Variants in ANKRD11 observed in about 807,000 individuals in gnomAD.
The protein encoded by ANKRD11 is ankyrin repeat domain-containing protein 11.
Under a neutral mutation model 195.7 loss-of-function variants are expected in ANKRD11, and 17 were observed. The ratio of observed to expected loss-of-function variants is 0.09; its 90% CI spans 0.06 to 0.13. The LOEUF (loss-of-function observed/expected upper bound fraction) is 0.13, where lower values mean the gene tolerates loss of function less well. Among genes scored for constraint, ANKRD11 ranks in the 10% least tolerant of loss-of-function variants. ANKRD11 has a pLI of 1.00. For synonymous variants in ANKRD11, 1,953 were observed against 1,528.1 expected (o/e 1.28, Z -6.49); for missense variants, 3,735 against 3,566.1 (o/e 1.05, Z -1.21).
In ANKRD11 at chr16:89,283,418, T is replaced by C. The variant is rs750421408; in HGVS notation, c.3124A>G (p.Ile1042Val). 1.5e-5 allele frequency: 25 copies of C among 1,614,058 alleles called. No homozygotes were observed. The highest frequency in any genetic ancestry group is 4.0e-5 in the African/African-American group (3 of 74,964). ...TTGTCCTTCTGACATTTTTCCAGGA[T>C]TGATTTCTCACTTTTGTCCTTGTCA... ...SSDKDKSEKS[I>V]LEKCQKDKEF... is the part of the protein sequence containing the mutation. Residue 1042 changes from isoleucine (I) to valine (V), a missense_variant, in exon 9 of 13, where the codon ATC becomes GTC. Coordinates refer to ENST00000301030, the MANE Select transcript of ANKRD11 (RefSeq NM_013275.6). This position sits in a 1 kb window ranked among gnomAD's most constrained non-coding sequence, Gnocchi z 4.3.
At chr16:89,489,237 GCGCGCGCGCA>G (rs2057725772) in intron 1 of ANKRD11, 1 of 150,968 alleles carries the variant, frequency 6.6e-6, no homozygotes, top group Admixed American at 6.6e-5. Context: ...GCGCGCGCGC[GCGCGCGCGCA>G]CACACATACA....
At chr16:89,485,979 T>C (rs2057598754) in intron 1 of ANKRD11, among the ~76,000 whole-genome samples, 1 of 152,200 alleles carries the variant, frequency 6.6e-6, no homozygotes, top group African/African-American at 2.4e-5. Context: ...GAATAAAAAC[T>C]GCTTCTGGCC....
At chr16:89,404,036 A>G (rs1480090546) in intron 2 of ANKRD11, among the ~76,000 whole-genome samples, 1 of 152,246 alleles carries the variant, frequency 6.6e-6, no homozygotes, top group Non-Finnish European at 1.5e-5. Context: ...TGGCAAACTT[A>G]TAACTAAAAT....
chr16:89,323,913 A>C (rs985319574), intron 2 of ANKRD11: 1 of 215,634 alleles, frequency 4.6e-6, no homozygotes, highest in African/African-American at 2.4e-5. Context: ...GGCACCACAC[A>C]TCGCGAGGTA....
At chr16:89,392,418 A>G (rs1201379994) in intron 2 of ANKRD11, 1 of 152,128 alleles carries the variant, frequency 6.6e-6, no homozygotes, top group Non-Finnish European at 1.5e-5. Flanking sequence ...CACCCTTTTC[A>G]TGTTTTCTTA....
chr16:89,298,460 G>A (rs527570015), intron 4 of ANKRD11: 24 of 152,350 alleles, frequency 1.6e-4, no homozygotes, highest in Admixed American at 4.6e-4. Context: ...ATGGATGAAA[G>A]GGCTGAGAGG....
chr16:89,441,489 C>T (rs371710303), intron 1 of ANKRD11, among the ~76,000 whole-genome samples: 21 of 152,036 alleles, frequency 1.4e-4, no homozygotes, highest in East Asian at 1.2e-3. Context: ...CAAACCTGGC[C>T]GGGCGCGGTG....
chr16:89,356,121 T>G (rs1490970171), intron 2 of ANKRD11, among the ~76,000 whole-genome samples: 3 of 152,262 alleles, frequency 2.0e-5, no homozygotes, highest in African/African-American at 7.2e-5. Flanking sequence ...TTAGTTACTA[T>G]GAACTAGTGC....
At chr16:89,451,981 G>A (rs116701465) in intron 1 of ANKRD11, among the ~76,000 whole-genome samples, 38 of 152,142 alleles carry the variant, frequency 2.5e-4, no homozygotes, top group African/African-American at 8.9e-4. Flanking sequence ...CATTTGCGCC[G>A]GGTGCAGTGT....
chr16:89,379,248 T>C (rs2040546316), intron 2 of ANKRD11, among the ~76,000 whole-genome samples: 1 of 152,212 alleles, frequency 6.6e-6, no homozygotes, highest in South Asian at 2.1e-4. Context: ...GGCTCATGCT[T>C]TTTTAATCCT....
chr16:89,271,302 A>C, intron 11 of ANKRD11: 1 of 311,780 alleles, frequency 3.2e-6, no homozygotes, highest in Non-Finnish European at 6.3e-6. Flanking sequence ...CAATGGCGCG[A>C]TCCTGGCTCA....
At chr16:89,345,299 A>G (rs1027030124) in intron 2 of ANKRD11, among the ~76,000 whole-genome samples, 1 of 145,818 alleles carries the variant, frequency 6.9e-6, no homozygotes, top group African/African-American at 2.5e-5. Flanking sequence ...ATCACGACAA[A>G]CGGATGGAAA....
chr16:89,447,115 G>A (rs761709535), intron 1 of ANKRD11, among the ~76,000 whole-genome samples: 1 of 151,654 alleles, frequency 6.6e-6, no homozygotes, highest in Non-Finnish European at 1.5e-5. Context: ...CCCACACAAA[G>A]GGCACGTCCA....
chr16:89,375,040 A>C (rs548469868), intron 2 of ANKRD11, among the ~76,000 whole-genome samples: 1 of 152,192 alleles, frequency 6.6e-6, no homozygotes, highest in African/African-American at 2.4e-5. Context: ...GCTTATAAAT[A>C]CTTACAGACT....
At position 89,292,741 on chromosome 16, in the gene ANKRD11, G is replaced by A. The variant is rs79032059; in HGVS notation, c.227-1558C>T. ...GCCCCTCATAGAACCTGGCAAACAC[G>A]GTGGTTGGGGAGGCAGCCTCGCCAC... On this transcript the variant is annotated intron_variant, in intron 4 of 12. Coordinates refer to ENST00000301030, the MANE Select transcript of ANKRD11 (RefSeq NM_013275.6). Among the ~76,000 whole-genome samples, 43 of 152,330 alleles carry A rather than the reference G, an allele frequency of 2.8e-4. No individual in the cohort carries two copies. The East Asian group carries it at 7.9e-3, about 28-fold the overall frequency.
intron 2 of ANKRD11, among the ~76,000 whole-genome samples, chr16:89,391,494 C>G (rs531706172): frequency 6.6e-6 from 1 of 152,322 alleles, no homozygotes; most frequent in African/African-American, 2.4e-5. Context: ...GCAGAAAGCC[C>G]ACACAACTGG....
chr16:89,354,363 A>G (rs542875805), intron 2 of ANKRD11, among the ~76,000 whole-genome samples: 8 of 152,222 alleles, frequency 5.3e-5, no homozygotes, highest in Admixed American at 1.3e-4. Flanking sequence ...TGATTTTACT[A>G]ACATTAGACA....
chr16:89,444,292 A>G (rs2043678154), intron 1 of ANKRD11, among the ~76,000 whole-genome samples: 1 of 152,154 alleles, frequency 6.6e-6, no homozygotes, highest in Non-Finnish European at 1.5e-5. Context: ...GCTCCTGCCC[A>G]AAGCCCACTC....
chr16:89,377,995 T>G (rs1567720843), intron 2 of ANKRD11, among the ~76,000 whole-genome samples: 1 of 152,144 alleles, frequency 6.6e-6, no homozygotes, highest in Non-Finnish European at 1.5e-5. Flanking sequence ...ATGATTTTCT[T>G]AACAACACCT....
Sources: gnomAD v4.1 joint callset for allele counts (sites outside exome capture counted in the v4.1 genomes callset) on GRCh38, gnomAD v4.1.1 for gene constraint, Gnocchi (gnomAD v3.1) non-coding constraint, MANE v1.5 for transcripts, NCBI Gene and HGNC (gene_info 2026-07-23, HGNC 2026-07-21) for gene names.